Variants in STARD4 observed in about 807,000 individuals in gnomAD.
STARD4 encodes stAR-related lipid transfer protein 4.
A neutral mutation model predicts 24.9 loss-of-function variants in STARD4; 33 were observed. The observed-to-expected ratio is 1.32, with a 90% CI of 1.00 to 1.77. The LOEUF is 1.77. Among genes scored for constraint, STARD4 ranks in the 40% most tolerant of loss-of-function variants. The pLI is 0.00. For missense variants in STARD4, 238 were observed against 249.3 expected (o/e 0.95, Z 0.31); for synonymous variants, 88 against 77.4 (o/e 1.14, Z -0.72).
chr5:111,510,820 G>A (rs1017841787), intron 1 of STARD4, among the ~76,000 whole-genome samples: 2 of 152,126 alleles, frequency 1.3e-5, no homozygotes, highest in Non-Finnish European at 2.9e-5. Flanking sequence ...GATGGCATAG[G>A]TTCTATTTTA....
intron 3 of STARD4, chr5:111,504,964 T>C: frequency 4.5e-6 from 2 of 448,468 alleles, no homozygotes; most frequent in Non-Finnish European, 8.9e-6. Flanking sequence ...ACTTCTGTGC[T>C]GCGGCCTCAG....
chr5:111,505,093 T>C (rs575736218), intron 3 of STARD4: 2 of 448,258 alleles, frequency 4.5e-6, no homozygotes, highest in South Asian at 1.6e-5. Flanking sequence ...GCAGTAGATA[T>C]GCAATTCCTT....
chr5:111,511,521 T>A (rs1757281734), intron 1 of STARD4, among the ~76,000 whole-genome samples: 1 of 152,218 alleles, frequency 6.6e-6, no homozygotes, highest in Non-Finnish European at 1.5e-5. Flanking sequence ...TATCTTGAGG[T>A]CTTCCATAAG....
At chr5:111,509,357 G>A (rs948188784) in intron 1 of STARD4, among the ~76,000 whole-genome samples, 1 of 152,168 alleles carries the variant, frequency 6.6e-6, no homozygotes, top group South Asian at 2.1e-4. Context: ...TTATCACTGG[G>A]CAAATCCAGT....
chr5:111,502,906 G>A (rs146291272), intron 3 of STARD4, among the ~76,000 whole-genome samples: 2 of 151,248 alleles, frequency 1.3e-5, no homozygotes, highest in African/African-American at 4.9e-5. Flanking sequence ...TGTACCCTTC[G>A]TCCTCAAATC....
In STARD4 at chr5:111,500,027, T is replaced by C; in HGVS notation, c.477A>G (p.Pro159=). 1 of 1,614,180 alleles carries C rather than the reference T, an allele frequency of 6.2e-7. No individual in the cohort carries two copies. Among genetic ancestry groups the C allele is most frequent in the South Asian group, 1.1e-5 (1 of 91,084 alleles). Residue 159 remains proline (P), a synonymous_variant, in exon 6 of 6, where the codon CCA becomes CCG. Transcript: ENST00000296632. ...GACTCTGGTTTGGGTTGTCTTTAAG[T>C]GGAACACAAAACCAACCACAGGGAT... ...YNHPCGWFCV[P]LKDNPNQSLL... is the part of the protein sequence containing the mutation.
chr5:111,504,981 C>T (rs1756742023), intron 3 of STARD4: 1 of 453,950 alleles, frequency 2.2e-6, no homozygotes, highest in Non-Finnish European at 4.4e-6. Flanking sequence ...TCAGTTACAG[C>T]ACTTTGTGTC....
chr5:111,498,329 T>C lies in STARD4; in HGVS notation c.*1557A>G, dbSNP rs1054610536. On this transcript the variant is annotated 3_prime_UTR_variant, in exon 6 of 6. Coordinates refer to ENST00000296632, the MANE Select transcript of STARD4 (RefSeq NM_139164.3). Reference sequence around the variant, plus strand: ...GACAAAGAGAGCACTAGAGTAGAGATAGTGGGCAGTTTATTTGCTTTTAGG... The same window carrying C: ...GACAAAGAGAGCACTAGAGTAGAGACAGTGGGCAGTTTATTTGCTTTTAGG... 6.6e-6 allele frequency: 1 copy of C among 151,834 alleles called. No homozygotes were observed. Among genetic ancestry groups the C allele is most frequent in the African/African-American group, 2.4e-5 (1 of 41,358 alleles). 9.4% of individuals were successfully genotyped at this position (151,834 alleles called of 1,614,324 possible).
rs977569692 is a variant in STARD4 at position 111,507,500 on chromosome 5, G to A, written c.-9-58C>T. The A allele has an allele frequency of 3.1e-5, 41 of 1,323,936 alleles. No homozygotes were observed. In the East Asian group the frequency reaches 6.1e-4, roughly 20 times the overall value. 82.0% of individuals were successfully genotyped at this position (1,323,936 alleles called of 1,614,324 possible). Reference sequence around the variant, plus strand: ...TACCACAGTTTGAGGCAATAGGCCAGTGGGTCTCGAATCTGGTTTCACAAT... The same window carrying A: ...TACCACAGTTTGAGGCAATAGGCCAATGGGTCTCGAATCTGGTTTCACAAT... On this transcript the variant is annotated intron_variant, in intron 1 of 5. Transcript: ENST00000296632. This position sits in a 1 kb window ranked among gnomAD's most constrained non-coding sequence, Gnocchi z 4.4.
At position 111,508,677 on chromosome 5, in the gene STARD4, T is replaced by C. The variant is rs149026907; in HGVS notation, c.-9-1235A>G. 6.3e-3 allele frequency among the ~76,000 whole-genome samples: 953 copies of C among 152,290 alleles called. 8 individuals carry two copies. The highest frequency in any genetic ancestry group is 9.0e-3 in the Non-Finnish European group (611 of 67,966). On this transcript the variant is annotated intron_variant, in intron 1 of 5. Transcript: ENST00000296632. ...AGAATCACCTTTTTATGCTTTGTAC[T>C]AGTTGTCGCTGCTTTTAGGTGTTAG...
At chr5:111,500,352 G>A (rs1017356636) in intron 5 of STARD4, 2 of 1,184,348 alleles carry the variant, frequency 1.7e-6, no homozygotes, top group Non-Finnish European at 2.1e-6. Flanking sequence ...TATCATCTTA[G>A]TACTCCTTGG....
chr5:111,502,468 C>CA (rs201618288), intron 3 of STARD4, among the ~76,000 whole-genome samples: 1,660 of 141,432 alleles, frequency 0.012, 20 homozygotes, highest in African/African-American at 0.03. Context: ...GATTCCATCT[C>CA]AAAAAAAAAA....
At chr5:111,511,140 A>G (rs1435742298) in intron 1 of STARD4, among the ~76,000 whole-genome samples, 2 of 152,234 alleles carry the variant, frequency 1.3e-5, no homozygotes, top group East Asian at 3.8e-4. Context: ...TAAGTTTTCT[A>G]ACTCAGACAA....
In STARD4 at chr5:111,496,308, AT is replaced by A. The variant is rs911867908; in HGVS notation, c.*3577del. On this transcript the variant is annotated 3_prime_UTR_variant, in exon 6 of 6. Coordinates refer to ENST00000296632, the MANE Select transcript of STARD4 (RefSeq NM_139164.3). ...TAGTTCCAACTTCCTGTTTTTTGAA[AT>A]TATTCTGATGTTTCTTCTACACTCA... 6.6e-6 allele frequency: 1 copy of A among 152,032 alleles called. No homozygotes were observed. Among genetic ancestry groups the A allele is most frequent in the African/African-American group, 2.4e-5 (1 of 41,432 alleles). 9.4% of individuals were successfully genotyped at this position (152,032 alleles called of 1,614,324 possible). A position where few individuals can be genotyped will look rare whatever the true frequency, so the allele number is the denominator to read the frequency against.
intron 3 of STARD4, 24 bp downstream of exon 3, chr5:111,506,306 G>C: frequency 7.3e-7 from 1 of 1,370,020 alleles, no homozygotes; most frequent in Non-Finnish European, 1.0e-6. Context: ...TAAGAGCTGT[G>C]TAAGTCTATA....
chr5:111,502,934 G>C (rs1420869352), intron 3 of STARD4, among the ~76,000 whole-genome samples: 8 of 152,008 alleles, frequency 5.3e-5, no homozygotes, highest in Non-Finnish European at 1.0e-4. Context: ...AGAACTGAGG[G>C]CTATACTACG....
intron 1 of STARD4, among the ~76,000 whole-genome samples, chr5:111,510,329 G>C (rs1757161190): frequency 6.6e-6 from 1 of 152,144 alleles, no homozygotes; most frequent in Admixed American, 6.5e-5. Flanking sequence ...ATATAACAGG[G>C]TACTGACATT....
chr5:111,508,291 T>A (rs1402997226), intron 1 of STARD4, among the ~76,000 whole-genome samples: 1 of 152,110 alleles, frequency 6.6e-6, no homozygotes, highest in Non-Finnish European at 1.5e-5. Flanking sequence ...AGCATAGAGG[T>A]CCTTTTCTTA....
chr5:111,496,110 ATAT>A lies in STARD4; in HGVS notation c.*3773_*3775del, dbSNP rs931175624. ...ATACATATTTTATTGATACTAATACATATTATTAGTTTAATAAATATTCTAGTT... is the reference window on the plus strand; with the variant it reads ...ATACATATTTTATTGATACTAATACATATTAGTTTAATAAATATTCTAGTT... On this transcript the variant is annotated 3_prime_UTR_variant, in exon 6 of 6. Transcript: ENST00000296632. 6 of 152,002 alleles carry A rather than the reference ATAT, an allele frequency of 3.9e-5. No homozygotes were observed. Among genetic ancestry groups the A allele is most frequent in the African/African-American group, 7.2e-5 (3 of 41,440 alleles). The allele number at this position is 152,002 out of a possible 1,614,324, so 9.4% of individuals were successfully genotyped here.
Sources: gnomAD v4.1 joint callset for allele counts (sites outside exome capture counted in the v4.1 genomes callset) on GRCh38, gnomAD v4.1.1 for gene constraint, Gnocchi (gnomAD v3.1) non-coding constraint, MANE v1.5 for transcripts, NCBI Gene and HGNC (gene_info 2026-07-23, HGNC 2026-07-21) for gene names.